The following ATG4C variants were observed in gnomAD, a reference collection of about 807,000 sequenced individuals.
ATG4C encodes the protein cysteine protease ATG4C.
ATG4C carries 56 observed loss-of-function variants against 57.6 expected under a neutral mutation model. That is an observed-to-expected ratio of 0.97 (90% CI 0.78 to 1.21). The LOEUF is 1.21. Ranked by LOEUF, ATG4C falls within the 50% of genes most tolerant of loss-of-function variation. The pLI is 0.00. For synonymous variants in ATG4C, 157 were observed against 174.1 expected, an observed-to-expected ratio of 0.90 and a Z score of 0.78; for missense variants, 595 against 529.8, an observed-to-expected ratio of 1.12 and a Z score of -1.21.
At chr1:62,861,588 C>A (rs1275535861) in intron 10 of ATG4C, among the ~76,000 whole-genome samples, 2 of 65,576 alleles carry the variant, frequency 3.0e-5, no homozygotes, top group African/African-American at 9.8e-5. Flanking sequence ...CACACACACA[C>A]ACACACACAC....
At position 62,864,094 on chromosome 1, in the gene ATG4C, C is replaced by G. The variant is rs1484979365; in HGVS notation, c.1312C>G (p.Leu438Val). 1 of 1,607,388 alleles carries G rather than the reference C, an allele frequency of 6.2e-7. No individual in the cohort carries two copies. Among genetic ancestry groups the G allele is most frequent in the African/African-American group, 1.3e-5 (1 of 74,438 alleles). Residue 438 changes from leucine (L) to valine (V), a missense_variant, in exon 11 of 11, where the codon CTT (leucine) becomes GTT (valine). By Grantham distance (32) the Leu-to-Val change is conservative. Transcript: ENST00000317868. ...FTSTTTNEED[L>V]FSEDEKKQLK... ...ATCTACTACAACCAATGAAGAAGAC[C>G]TTTTTTCAGAGGATGAAAAGAAACA...
intron 7 of ATG4C, 68 bp from the exon 8 acceptor site, chr1:62,833,970 G>T (rs1665918749): frequency 6.6e-6 from 9 of 1,358,226 alleles, no homozygotes; most frequent in Non-Finnish European, 9.3e-6. Context: ...ATTAGTAATA[G>T]AAATTTGTTT....
intron 3 of ATG4C, among the ~76,000 whole-genome samples, chr1:62,815,759 A>C (rs1665249059): frequency 2.0e-5 from 3 of 152,204 alleles, no homozygotes; most frequent in Admixed American, 2.0e-4. Context: ...ATCTTGGCTC[A>C]CTGCAACCTC....
At position 62,816,675 on chromosome 1, in the gene ATG4C, A is replaced by G; in HGVS notation, c.261A>G (p.Ile87Met). ...EEFRKDFISR[I>M]WLTYREEFPQ... The stretch of plus-strand genomic sequence containing the variant: ...TTCGTAAAGATTTCATTTCTAGAAT[A>G]TGGCTGACCTACAGGGAAGAATTCC... Residue 87 changes from isoleucine to methionine, a missense_variant, in exon 4 of 11, where the codon ATA becomes ATG. Ile to Met is a conservative substitution (Grantham distance 10, BLOSUM62 1). Transcript: ENST00000317868. 2 of 1,613,912 alleles carry G rather than the reference A, an allele frequency of 1.2e-6. No homozygotes were observed. The highest frequency in any genetic ancestry group is 1.7e-6 in the Non-Finnish European group (2 of 1,179,856).
At chr1:62,862,107 TTAAA>T (rs1188408612) in intron 10 of ATG4C, among the ~76,000 whole-genome samples, 6 of 152,212 alleles carry the variant, frequency 3.9e-5, no homozygotes, top group African/African-American at 4.8e-5. Flanking sequence ...CTTTAAATAC[TTAAA>T]TAAACTCAGC....
At chr1:62,822,436 G>A (rs943791399) in intron 6 of ATG4C, among the ~76,000 whole-genome samples, 3 of 152,082 alleles carry the variant, frequency 2.0e-5, no homozygotes, top group African/African-American at 7.2e-5. Context: ...TTCTAATTAA[G>A]CCTAAGGATG....
At chr1:62,843,735 A>G (rs907792917) in intron 10 of ATG4C, among the ~76,000 whole-genome samples, 1 of 152,198 alleles carries the variant, frequency 6.6e-6, no homozygotes, top group African/African-American at 2.4e-5. Flanking sequence ...CTGCATAACT[A>G]TCATATACAG....
chr1:62,821,284 A>T (rs1166788357), intron 6 of ATG4C, 75 bp downstream of exon 6: 5 of 903,902 alleles, frequency 5.5e-6, no homozygotes, highest in Non-Finnish European at 8.0e-6. Context: ...TATCCCAGTA[A>T]TACTGTAAAT....
intron 10 of ATG4C, among the ~76,000 whole-genome samples, chr1:62,861,626 C>CAG (rs1553231529): frequency 1.0e-3 from 30 of 29,366 alleles, no homozygotes; most frequent in East Asian, 2.1e-3. Flanking sequence ...CACACACACA[C>CAG]AGAGAGACAC....
At chr1:62,786,660 A>G (rs1331713274) in intron 1 of ATG4C, among the ~76,000 whole-genome samples, 2 of 152,174 alleles carry the variant, frequency 1.3e-5, no homozygotes, top group Non-Finnish European at 2.9e-5. Context: ...ATCATTTAGC[A>G]TTTATTTATT....
chr1:62,856,062 T>G (rs1666672979), intron 10 of ATG4C, among the ~76,000 whole-genome samples: 1 of 152,238 alleles, frequency 6.6e-6, no homozygotes, highest in African/African-American at 2.4e-5. Context: ...CTCTGTAGTC[T>G]TATAGAATAA....
intron 2 of ATG4C, among the ~76,000 whole-genome samples, chr1:62,804,397 C>CT (rs963123020): frequency 4.0e-5 from 6 of 150,632 alleles, no homozygotes; most frequent in South Asian, 4.2e-4. Flanking sequence ...GCCTTTTTTC[C>CT]TTTTTTTTTA....
intron 1 of ATG4C, among the ~76,000 whole-genome samples, chr1:62,791,362 G>T (rs1383711885): frequency 6.6e-6 from 1 of 152,076 alleles, no homozygotes; most frequent in African/African-American, 2.4e-5. Flanking sequence ...CTTTTTCTTG[G>T]CAAGAGTAAC....
intron 1 of ATG4C, among the ~76,000 whole-genome samples, chr1:62,795,036 A>G (rs546554973): frequency 3.3e-5 from 5 of 152,348 alleles, no homozygotes; most frequent in Admixed American, 1.3e-4. Context: ...ATTCTAAATC[A>G]ATATCTATAT....
At chr1:62,830,429 G>T (rs1665805582) in intron 7 of ATG4C, among the ~76,000 whole-genome samples, 2 of 152,128 alleles carry the variant, frequency 1.3e-5, no homozygotes, top group Admixed American at 1.3e-4. Context: ...AGAAACTGAT[G>T]CAGTCTTGGA....
chr1:62,858,066 A>G (rs180838918), intron 10 of ATG4C, among the ~76,000 whole-genome samples: 195 of 152,322 alleles, frequency 1.3e-3, no homozygotes, highest in African/African-American at 4.4e-3. Flanking sequence ...TCAGAGAGAA[A>G]GGCCAAGAGA....
At chr1:62,784,837 C>T (rs779046682) in intron 1 of ATG4C, among the ~76,000 whole-genome samples, 10 of 152,274 alleles carry the variant, frequency 6.6e-5, no homozygotes, top group Non-Finnish European at 1.2e-4. Flanking sequence ...CTCTCCCAAC[C>T]CTACCCACAT....
chr1:62,822,326 G>A lies in ATG4C; in HGVS notation c.796+1117G>A, dbSNP rs185213920. ...ACCAATATCCGTAATTATAGCCATA[G>A]GAAAAGAAAAGGTCTAAATTTTCAG... On this transcript the variant is annotated intron_variant, in intron 6 of 10. Transcript: ENST00000317868. Among the ~76,000 whole-genome samples the A allele has an allele frequency of 7.2e-3, 1,100 of 152,180 alleles. 3 individuals carry two copies. Among genetic ancestry groups the A allele is most frequent in the Non-Finnish European group, 0.012 (815 of 67,988 alleles).
chr1:62,834,034 G>T lies in ATG4C; in HGVS notation c.934-4G>T. The T allele has an allele frequency of 6.2e-7, 1 of 1,606,202 alleles. No individual in the cohort carries two copies. Among genetic ancestry groups the T allele is most frequent in the Non-Finnish European group, 8.5e-7 (1 of 1,176,736 alleles). On this transcript the variant is annotated splice_region_variant and splice_polypyrimidine_tract_variant and intron_variant, in intron 7 of 10. Transcript: ENST00000317868. ...ACTAAATCTGTATTAATTTTTTTTG[G>T]CAGGGTATTTTAAGCCTGGAATATT...
Sources: allele counts gnomAD v4.1 joint callset (sites outside exome capture counted in the v4.1 genomes callset), GRCh38; gene constraint gnomAD v4.1.1; transcripts MANE v1.5; gene names NCBI Gene and HGNC (gene_info 2026-07-23, HGNC 2026-07-21).